The following MRTFB variants were observed in gnomAD, a reference collection of about 807,000 sequenced individuals.
MRTFB encodes myocardin related transcription factor B.
In MRTFB, 29 loss-of-function variants were observed where a neutral mutation model predicts 104.2. That is an observed-to-expected ratio of 0.28 (90% CI 0.21 to 0.38). The LOEUF is 0.38. MRTFB is among the 10% of genes least tolerant of loss of function. The probability of loss-of-function intolerance (pLI) is 1.00; values close to 1 mark genes in which losing one functional copy is unlikely to be tolerated. For missense variants in MRTFB, 1,270 were observed against 1,341.6 expected (o/e 0.95, Z 0.83); for synonymous variants, 535 against 519.5 (o/e 1.03, Z -0.41).
chr16:14,087,107 A>G (rs2034756779), intron 2 of MRTFB, among the ~76,000 whole-genome samples: 1 of 152,204 alleles, frequency 6.6e-6, no homozygotes, highest in Non-Finnish European at 1.5e-5. Context: ...AAGTACTTGT[A>G]TGCAGTACAG....
intron 2 of MRTFB, among the ~76,000 whole-genome samples, chr16:14,106,968 C>T (rs1567329371): frequency 6.6e-6 from 1 of 152,200 alleles, no homozygotes; most frequent in African/African-American, 2.4e-5. Flanking sequence ...GCTTGTGTGG[C>T]CCATTTACTG....
chr16:14,049,178 G>T, the MRTFB span, among the ~76,000 whole-genome samples: 4 of 152,164 alleles, frequency 2.6e-5, no homozygotes, highest in African/African-American at 7.2e-5. Flanking sequence ...AGAATTATCT[G>T]GCCCCAAGTG....
rs1317002824 is a variant in MRTFB at position 14,246,693 on chromosome 16, T to G, written c.1433T>G (p.Val478Gly). 3 of 1,613,780 alleles carry G rather than the reference T, an allele frequency of 1.9e-6. No individual in the cohort carries two copies. In the Admixed American group the frequency reaches 5.0e-5, roughly 27 times the overall value. ...CTACACAACACTGTGACTAGCTCAG[T>G]CTCTACTCTCAAGGCAGAATTGCCA... ...TTLHNTVTSSVSTLKAELPPT... is the reference protein window; with the variant it reads ...TTLHNTVTSSGSTLKAELPPT... Residue 478 changes from valine to glycine, a missense_variant, in exon 12 of 17, where the codon GTC (valine) becomes GGC (glycine). Val to Gly is a moderately radical substitution (Grantham distance 109, BLOSUM62 -3). Transcript: ENST00000571589.
chr16:14,139,260 G>A (rs1284699709), intron 2 of MRTFB, among the ~76,000 whole-genome samples: 2 of 151,944 alleles, frequency 1.3e-5, no homozygotes, highest in Non-Finnish European at 2.9e-5. Flanking sequence ...AGAAATATTC[G>A]CTCAGATACT....
chr16:14,017,703 ATATATATATTTTTT>A, the MRTFB span, among the ~76,000 whole-genome samples: 2 of 31,502 alleles, frequency 6.3e-5, no homozygotes, highest in Non-Finnish European at 1.6e-4. Context: ...ATATATATAT[ATATATATATTTTTT>A]TTTTTTTTTT....
chr16:14,202,503 C>A (rs1191641399), intron 3 of MRTFB, among the ~76,000 whole-genome samples: 2 of 152,114 alleles, frequency 1.3e-5, no homozygotes, highest in African/African-American at 4.8e-5. Flanking sequence ...GACTTTCTCC[C>A]CTTTGACTGC....
chr16:14,213,205 C>T (rs2041271718), intron 5 of MRTFB, among the ~76,000 whole-genome samples: 1 of 152,030 alleles, frequency 6.6e-6, no homozygotes, highest in Non-Finnish European at 1.5e-5. Flanking sequence ...TTTTACTGGA[C>T]CTGAAGTATA....
chr16:14,004,345 C>T, the MRTFB span, among the ~76,000 whole-genome samples: 7 of 152,200 alleles, frequency 4.6e-5, no homozygotes, highest in African/African-American at 1.7e-4. Context: ...AGGCACTGAA[C>T]AGATGGGGCC....
intron 3 of MRTFB, among the ~76,000 whole-genome samples, chr16:14,192,342 C>T (rs1362398216): frequency 6.6e-6 from 1 of 152,062 alleles, no homozygotes; most frequent in East Asian, 1.9e-4. Flanking sequence ...CCACTGCACT[C>T]CAGCCTGGGC....
At chr16:14,205,268 T>G (rs1390714843) in intron 3 of MRTFB, among the ~76,000 whole-genome samples, 2 of 152,224 alleles carry the variant, frequency 1.3e-5, no homozygotes. Flanking sequence ...GAAAAGATTT[T>G]TTTTAATAAA....
intron 3 of MRTFB, among the ~76,000 whole-genome samples, chr16:14,205,171 C>T (rs994342944): frequency 2.6e-5 from 4 of 152,066 alleles, no homozygotes; most frequent in Non-Finnish European, 2.9e-5. Context: ...ATGATATTAT[C>T]GGTGATTTTC....
chr16:14,050,164 GACACAC>G, the MRTFB span, among the ~76,000 whole-genome samples: 1 of 149,834 alleles, frequency 6.7e-6, no homozygotes, highest in African/African-American at 2.4e-5. Flanking sequence ...CAGACAGACA[GACACAC>G]ACACACACAC....
At chr16:14,042,349 C>G in the MRTFB span, among the ~76,000 whole-genome samples, 11 of 152,302 alleles carry the variant, frequency 7.2e-5, no homozygotes, top group African/African-American at 2.6e-4. Context: ...AGTCTGAACT[C>G]CTGACCTCTG....
chr16:14,245,548 G>C lies in MRTFB; in HGVS notation c.1100G>C (p.Ser367Thr), dbSNP rs759617337. 2.5e-6 allele frequency: 4 copies of C among 1,612,042 alleles called. No homozygotes were observed. The highest frequency in any genetic ancestry group is 2.5e-6 in the Non-Finnish European group (3 of 1,179,408). Residue 367 changes from serine (S) to threonine (T), a missense_variant, in exon 11 of 17, where the codon AGT becomes ACT. By Grantham distance (58) the Ser-to-Thr change is moderately conservative. Around this residue, in one of 3 missense-constraint regions of MRTFB, gnomAD observed 1,144 missense variants for 1,131.5 expected, o/e 1.01. Transcript: ENST00000571589. ...APFKPLNDKN[S>T]NSGNSALNNA... ...TGAAGGCCACTCAATGACAAAAATA[G>C]TAACAGTGGGAATTCAGCTTTGAAC...
chr16:14,196,608 T>C (rs1284817670), intron 3 of MRTFB, among the ~76,000 whole-genome samples: 1 of 152,240 alleles, frequency 6.6e-6, no homozygotes, highest in African/African-American at 2.4e-5. Context: ...AACTTGATGT[T>C]GTTGCTCCCT....
At chr16:14,091,561 C>G (rs931870822) in intron 2 of MRTFB, among the ~76,000 whole-genome samples, 14 of 152,112 alleles carry the variant, frequency 9.2e-5, no homozygotes, top group African/African-American at 3.4e-4. Context: ...TTGTTGGAAG[C>G]TCTCTATCAC....
intron 2 of MRTFB, among the ~76,000 whole-genome samples, chr16:14,082,122 T>G (rs138038453): frequency 7.2e-5 from 11 of 152,346 alleles, no homozygotes; most frequent in Non-Finnish European, 1.6e-4. Context: ...TCCAGACCAA[T>G]GTCATGGAAC....
chr16:14,045,813 G>A, the MRTFB span, among the ~76,000 whole-genome samples: 1 of 152,204 alleles, frequency 6.6e-6, no homozygotes, highest in Non-Finnish European at 1.5e-5. Context: ...TAGTCAAATT[G>A]CGGTGCCTGT....
intron 13 of MRTFB, among the ~76,000 whole-genome samples, chr16:14,249,964 A>C (rs1199720943): frequency 6.6e-6 from 1 of 152,216 alleles, no homozygotes; most frequent in Admixed American, 6.5e-5. Context: ...CTGCGAGAGG[A>C]ATCATGGTTG....
Sources: gnomAD v4.1 joint callset for allele counts (sites outside exome capture counted in the v4.1 genomes callset) on GRCh38, gnomAD v4.1.1 for gene constraint, gnomAD v4.1.1 regional missense constraint, MANE v1.5 for transcripts, NCBI Gene and HGNC (gene_info 2026-07-23, HGNC 2026-07-21) for gene names.